Variants in PHACTR1 observed in about 807,000 individuals in gnomAD.
PHACTR1 encodes the protein phosphatase and actin regulator 1.
In PHACTR1, 16 loss-of-function variants were observed where a neutral mutation model predicts 69.2. The observed-to-expected ratio is 0.23, with a 90% CI of 0.16 to 0.35. The LOEUF is 0.35. Among genes scored for constraint, PHACTR1 ranks in the 10% least tolerant of loss-of-function variants. The probability of loss-of-function intolerance (pLI) is 1.00; values close to 1 mark genes in which losing one functional copy is unlikely to be tolerated. For missense variants in PHACTR1, 510 were observed against 734.7 expected, an observed-to-expected ratio of 0.69 and a Z score of 3.54; for synonymous variants, 312 against 284.5, an observed-to-expected ratio of 1.10 and a Z score of -0.97.
intron 4 of PHACTR1, among the ~76,000 whole-genome samples, chr6:12,851,568 A>G (rs1387157620): frequency 1.3e-5 from 2 of 152,208 alleles, no homozygotes; most frequent in Non-Finnish European, 2.9e-5. Context: ...ATGCACAGCA[A>G]TAGGAAAGCT....
chr6:12,989,681 G>C (rs1318658802), intron 4 of PHACTR1, among the ~76,000 whole-genome samples: 1 of 152,180 alleles, frequency 6.6e-6, no homozygotes, highest in Non-Finnish European at 1.5e-5. Context: ...GAGCCAGGGG[G>C]CCAGTTGCAA....
chr6:13,158,939 C>T (rs1428389555), intron 5 of PHACTR1, among the ~76,000 whole-genome samples: 1 of 152,140 alleles, frequency 6.6e-6, no homozygotes, highest in Middle Eastern at 3.2e-3. Flanking sequence ...GATGATTTTC[C>T]CCTGAATATG....
intron 3 of PHACTR1, among the ~76,000 whole-genome samples, chr6:12,726,528 C>A (rs558660398): frequency 9.9e-5 from 15 of 152,164 alleles, no homozygotes; most frequent in African/African-American, 3.1e-4. Flanking sequence ...CGAAGGAAGG[C>A]GGGTGTAGAC....
chr6:12,800,752 G>A (rs957429848), intron 4 of PHACTR1, among the ~76,000 whole-genome samples: 1 of 152,068 alleles, frequency 6.6e-6, no homozygotes, highest in Non-Finnish European at 1.5e-5. Context: ...GCACAGACTG[G>A]TAGCATGTGC....
At chr6:13,060,920 T>C (rs1490565623) in intron 5 of PHACTR1, among the ~76,000 whole-genome samples, 1 of 152,138 alleles carries the variant, frequency 6.6e-6, no homozygotes, top group Non-Finnish European at 1.5e-5. Context: ...TATAACAAAT[T>C]ACTATAAACT....
intron 4 of PHACTR1, among the ~76,000 whole-genome samples, chr6:12,828,189 T>G (rs962290875): frequency 2.6e-5 from 4 of 152,212 alleles, no homozygotes; most frequent in Non-Finnish European, 5.9e-5. Context: ...AGGATTTATT[T>G]ATAGATCATA....
intron 4 of PHACTR1, among the ~76,000 whole-genome samples, chr6:12,853,554 T>A (rs925754899): frequency 6.6e-6 from 1 of 152,208 alleles, no homozygotes; most frequent in Admixed American, 6.5e-5. Flanking sequence ...AATAAAGACA[T>A]ACCCAAGACT....
At chr6:12,983,933 A>C (rs1343692818) in intron 4 of PHACTR1, among the ~76,000 whole-genome samples, 1 of 152,136 alleles carries the variant, frequency 6.6e-6, no homozygotes, top group Non-Finnish European at 1.5e-5. Flanking sequence ...CATTTTCTTA[A>C]TCCAGTCTAT....
chr6:12,873,247 G>A (rs1782230398), intron 4 of PHACTR1, among the ~76,000 whole-genome samples: 1 of 152,028 alleles, frequency 6.6e-6, no homozygotes, highest in African/African-American at 2.4e-5. Flanking sequence ...GAACTCCTGG[G>A]CTCAAGTGAT....
At chr6:12,872,513 A>G (rs1782136322) in intron 4 of PHACTR1, among the ~76,000 whole-genome samples, 1 of 152,214 alleles carries the variant, frequency 6.6e-6, no homozygotes, top group South Asian at 2.1e-4. Context: ...GATTTTATGT[A>G]CATATGTACA....
intron 6 of PHACTR1, among the ~76,000 whole-genome samples, chr6:13,175,799 AG>A (rs1374536212): frequency 6.6e-6 from 1 of 152,164 alleles, no homozygotes; most frequent in Non-Finnish European, 1.5e-5. Context: ...GTGAGAAATA[AG>A]ACAAATGGGA....
At chr6:13,222,606 A>G (rs1397551132) in intron 8 of PHACTR1, among the ~76,000 whole-genome samples, 1 of 152,236 alleles carries the variant, frequency 6.6e-6, no homozygotes, top group Non-Finnish European at 1.5e-5. Context: ...AGAGACTCAC[A>G]TGGTACAGTG....
Position 12,944,776 on chromosome 6 carries a change from TA to T in PHACTR1, c.251-108588del, listed in dbSNP as rs1384074845. ...TGAATTATTTATTTATTTATTTATT[TA>T]TTTTTATTTATTTTTTTTTTTTTGA... On this transcript the variant is annotated intron_variant, in intron 4 of 14. Coordinates refer to ENST00000332995, the MANE Select transcript of PHACTR1 (RefSeq NM_030948.6). Among the ~76,000 whole-genome samples the T allele has an allele frequency of 3.8e-5, 4 of 106,528 alleles. No homozygotes were observed. In the East Asian group the frequency reaches 9.0e-4, roughly 24 times the overall value. The allele number at this position is 106,528 out of a possible 152,430, so 69.9% of individuals were successfully genotyped here.
intron 6 of PHACTR1, among the ~76,000 whole-genome samples, chr6:13,181,233 C>T (rs1402887875): frequency 1.3e-5 from 2 of 152,050 alleles, no homozygotes; most frequent in Admixed American, 6.6e-5. Flanking sequence ...TCTGTGCCAC[C>T]ATAGATCAGT....
intron 8 of PHACTR1, among the ~76,000 whole-genome samples, chr6:13,216,173 G>T (rs537406075): frequency 5.8e-4 from 88 of 152,286 alleles, no homozygotes; most frequent in Non-Finnish European, 1.0e-3. Flanking sequence ...ATTATCCCAT[G>T]ATTATTTTTA....
At chr6:13,194,783 C>T (rs1764139632) in intron 7 of PHACTR1, among the ~76,000 whole-genome samples, 1 of 152,068 alleles carries the variant, frequency 6.6e-6, no homozygotes, top group Non-Finnish European at 1.5e-5. Flanking sequence ...TATTATTTGT[C>T]TAGTAAAATT....
intron 7 of PHACTR1, among the ~76,000 whole-genome samples, chr6:13,194,760 G>T (rs1764135887): frequency 6.6e-6 from 1 of 152,124 alleles, no homozygotes; most frequent in Non-Finnish European, 1.5e-5. Flanking sequence ...GTCATCCCAT[G>T]AATATCTACA....
chr6:12,764,460 G>A (rs1361272506), intron 4 of PHACTR1, among the ~76,000 whole-genome samples: 1 of 151,892 alleles, frequency 6.6e-6, no homozygotes, highest in African/African-American at 2.4e-5. Flanking sequence ...GGTTTTTCTT[G>A]GTGACTTAAG....
intron 7 of PHACTR1, among the ~76,000 whole-genome samples, chr6:13,201,281 G>A (rs777483194): frequency 1.3e-4 from 20 of 152,342 alleles, no homozygotes; most frequent in Non-Finnish European, 2.2e-4. Context: ...AGAGGAAAGC[G>A]GGTCTTCATT....
Sources: allele counts gnomAD v4.1 joint callset (sites outside exome capture counted in the v4.1 genomes callset), GRCh38; gene constraint gnomAD v4.1.1; transcripts MANE v1.5; gene names NCBI Gene and HGNC (gene_info 2026-07-23, HGNC 2026-07-21).